The following CELF4 variants were observed in gnomAD, a reference collection of about 807,000 sequenced individuals.
CELF4 encodes the protein CUG-BP- and ETR-3-like factor 4.
In CELF4, 18 loss-of-function variants were observed where a neutral mutation model predicts 59.9. The observed-to-expected ratio is 0.30, with a 90% CI of 0.21 to 0.45. The LOEUF is 0.45. Among genes scored for constraint, CELF4 ranks in the 20% least tolerant of loss-of-function variants. The probability of loss-of-function intolerance (pLI) is 1.00; values close to 1 mark genes in which losing one functional copy is unlikely to be tolerated. For synonymous variants in CELF4, 261 were observed against 267.1 expected, an observed-to-expected ratio of 0.98 and a Z score of 0.22; for missense variants, 456 against 689.0, an observed-to-expected ratio of 0.66 and a Z score of 3.79.
At chr18:37,526,847 T>C (rs1240866117) in intron 1 of CELF4, among the ~76,000 whole-genome samples, 1 of 147,712 alleles carries the variant, frequency 6.8e-6, no homozygotes, top group Non-Finnish European at 1.5e-5. Context: ...CTGTGGGACC[T>C]TGGGTAAGTC....
chr18:37,428,583 CA>C (rs1440418931), intron 2 of CELF4, among the ~76,000 whole-genome samples: 3 of 152,194 alleles, frequency 2.0e-5, no homozygotes, highest in South Asian at 4.1e-4. Flanking sequence ...TAATGGGACA[CA>C]AAAGCCTTTG....
chr18:37,468,968 A>G (rs2099815041), intron 2 of CELF4, among the ~76,000 whole-genome samples: 1 of 152,186 alleles, frequency 6.6e-6, no homozygotes, highest in African/African-American at 2.4e-5. Context: ...ACACAGAGCC[A>G]AACCATATCA....
At chr18:37,272,572 GAAAAAAAAA>G (rs397692958) in intron 7 of CELF4, among the ~76,000 whole-genome samples, 10 of 104,928 alleles carry the variant, frequency 9.5e-5, no homozygotes, top group Admixed American at 4.2e-4. Flanking sequence ...AAAGGGAAAT[GAAAAAAAAA>G]AAAAAAAAAA....
intron 3 of CELF4, chr18:37,276,026 C>T (rs939435998): frequency 1.3e-5 from 2 of 152,242 alleles, no homozygotes; most frequent in African/African-American, 4.8e-5. Context: ...CATCCCAGGG[C>T]ACACCTCCTT....
intron 2 of CELF4, among the ~76,000 whole-genome samples, chr18:37,413,428 G>T (rs1198836529): frequency 6.6e-6 from 1 of 152,192 alleles, no homozygotes; most frequent in Non-Finnish European, 1.5e-5. Context: ...TGTGGGGCAT[G>T]TTGGAAAGGT....
intron 2 of CELF4, among the ~76,000 whole-genome samples, chr18:37,343,352 T>TGTGC (rs1467820370): frequency 4.0e-5 from 6 of 151,110 alleles, no homozygotes; most frequent in Non-Finnish European, 8.9e-5. Flanking sequence ...TGTGTGTGTG[T>TGTGC]GTGTGTGTGT....
chr18:37,470,887 T>TGTGAGAGA (rs1325788685), intron 2 of CELF4, among the ~76,000 whole-genome samples: 6 of 71,962 alleles, frequency 8.3e-5, no homozygotes, highest in Non-Finnish European at 1.4e-4. Flanking sequence ...TGTGTGTGTG[T>TGTGAGAGA]GACAGAGAGA....
In CELF4 at chr18:37,440,775, C is replaced by T. The variant is rs535032010; in HGVS notation, c.369+44750G>A. On this transcript the variant is annotated intron_variant, in intron 2 of 12. Transcript: ENST00000420428. ...TACCCCTTGCAATCACCTACTCATC[C>T]ACCTATCTACCTACCTAACTACCCA... 5.3e-4 allele frequency among the ~76,000 whole-genome samples: 80 copies of T among 152,186 alleles called. 2 individuals carry two copies. The South Asian group carries it at 6.4e-3, about 12-fold the overall frequency.
intron 2 of CELF4, among the ~76,000 whole-genome samples, chr18:37,466,475 C>A (rs1157183074): frequency 6.6e-6 from 1 of 152,096 alleles, no homozygotes; most frequent in Admixed American, 6.5e-5. Flanking sequence ...CTTATACAAG[C>A]CTGACCAGAG....
intron 2 of CELF4, among the ~76,000 whole-genome samples, chr18:37,385,568 C>T (rs1348854808): frequency 6.6e-6 from 1 of 152,056 alleles, no homozygotes; most frequent in Non-Finnish European, 1.5e-5. Flanking sequence ...CAATGTCTCC[C>T]CTCCCCTCCA....
chr18:37,375,001 G>C (rs1040619717), intron 2 of CELF4, among the ~76,000 whole-genome samples: 5 of 152,198 alleles, frequency 3.3e-5, no homozygotes, highest in Admixed American at 2.0e-4. Context: ...GTCTGCCTGT[G>C]GTGTGTCGGC....
At chr18:37,255,001 C>T (rs2068305214) in intron 11 of CELF4, among the ~76,000 whole-genome samples, 1 of 152,224 alleles carries the variant, frequency 6.6e-6, no homozygotes, top group African/African-American at 2.4e-5. Context: ...CGTCCCCTCC[C>T]TCACCGAGTT....
intron 1 of CELF4, 56 bp downstream of exon 1, chr18:37,565,300 G>A: frequency 6.9e-7 from 1 of 1,456,566 alleles, no homozygotes; most frequent in Non-Finnish European, 9.1e-7. Flanking sequence ...CCGGCCGGTC[G>A]GCCCGCCAGC....
intron 8 of CELF4, among the ~76,000 whole-genome samples, chr18:37,268,091 G>A (rs1224193502): frequency 1.3e-5 from 2 of 152,138 alleles, no homozygotes; most frequent in Non-Finnish European, 2.9e-5. Context: ...GAAAAGCCTG[G>A]GGCAGAGGTC....
chr18:37,426,520 G>A (rs1170304078), intron 2 of CELF4, among the ~76,000 whole-genome samples: 1 of 152,242 alleles, frequency 6.6e-6, no homozygotes, highest in East Asian at 1.9e-4. Flanking sequence ...ACTGGAGGAA[G>A]CCACAAATGG....
intron 1 of CELF4, among the ~76,000 whole-genome samples, chr18:37,506,482 C>A (rs1265694027): frequency 6.6e-6 from 1 of 152,170 alleles, no homozygotes; most frequent in Non-Finnish European, 1.5e-5. Flanking sequence ...CAAGTGACCT[C>A]ATGGGCACAG....
intron 1 of CELF4, among the ~76,000 whole-genome samples, chr18:37,487,692 G>C (rs886275771): frequency 7.2e-5 from 11 of 152,216 alleles, no homozygotes; most frequent in Non-Finnish European, 1.3e-4. Flanking sequence ...TGCCTCTGCT[G>C]TACGCAGGCA....
chr18:37,507,209 G>A (rs1351759445), intron 1 of CELF4, among the ~76,000 whole-genome samples: 2 of 152,176 alleles, frequency 1.3e-5, no homozygotes, highest in African/African-American at 4.8e-5. Context: ...ACTGCTCAAG[G>A]CCCAGAGACC....
At chr18:37,527,320 C>T (rs140671965) in intron 1 of CELF4, among the ~76,000 whole-genome samples, 2 of 151,874 alleles carry the variant, frequency 1.3e-5, no homozygotes, top group Admixed American at 6.6e-5. Context: ...CCCAGACGGA[C>T]CCAAGCAGGA....
Sources: gnomAD v4.1 joint callset for allele counts (sites outside exome capture counted in the v4.1 genomes callset) on GRCh38, gnomAD v4.1.1 for gene constraint, MANE v1.5 for transcripts, NCBI Gene and HGNC (gene_info 2026-07-23, HGNC 2026-07-21) for gene names.